ANTXRL: variants seen among roughly 807,000 people sequenced by gnomAD.
The protein encoded by ANTXRL is ANTXR like.
ANTXRL carries 63 observed loss-of-function variants against 75.4 expected under a neutral mutation model. The observed-to-expected ratio is 0.84, with a 90% confidence interval of 0.68 to 1.03. The LOEUF is 1.03. Ranked by LOEUF, ANTXRL falls within the 50% of genes least tolerant of loss-of-function variation. The pLI, the probability that ANTXRL is intolerant of heterozygous loss-of-function variation, is 0.00. For synonymous variants in ANTXRL, 335 were observed against 291.3 expected (o/e 1.15, Z -1.53); for missense variants, 797 against 789.4 (o/e 1.01, Z -0.12).
intron 1 of ANTXRL, among the ~76,000 whole-genome samples, chr10:46,288,518 A>G (rs1462881712): frequency 1.3e-5 from 2 of 152,030 alleles, no homozygotes; most frequent in African/African-American, 2.4e-5. Flanking sequence ...CAGCCCACCA[A>G]TTCCCATGGT....
At chr10:46,312,356 G>A (rs1202707858) in intron 15 of ANTXRL, among the ~76,000 whole-genome samples, 1 of 147,448 alleles carries the variant, frequency 6.8e-6, no homozygotes, top group Non-Finnish European at 1.5e-5. Context: ...TCACGGGCGG[G>A]TCCAGGGCCC....
intron 11 of ANTXRL, 92 bp downstream of exon 11, chr10:46,306,964 C>A: frequency 9.3e-7 from 1 of 1,079,180 alleles, no homozygotes; most frequent in Non-Finnish European, 1.3e-6. Context: ...GCCCCCCACC[C>A]CCTGCTGGGA....
In ANTXRL at chr10:46,306,878, T is replaced by A; in HGVS notation, c.965+6T>A. On this transcript the variant is annotated splice_donor_region_variant and intron_variant, in intron 11 of 16. Transcript: ENST00000620264. ...AAACTAGAAAAACCTGGAGAGTAAG[T>A]GCCCCTGGCAGGAGGCTAGAGGGCA... 1 of 1,526,624 alleles carries A rather than the reference T, an allele frequency of 6.6e-7. No individual in the cohort carries two copies. The highest frequency in any genetic ancestry group is 8.8e-7 in the Non-Finnish European group (1 of 1,142,436). The allele number at this position is 1,526,624 out of a possible 1,614,324, so 94.6% of individuals were successfully genotyped here.
chr10:46,311,401 G>A, intron 14 of ANTXRL, 109 bp from the exon 15 acceptor site: 1 of 1,393,256 alleles, frequency 7.2e-7, no homozygotes, highest in Middle Eastern at 1.9e-4. Context: ...ACCCTCCACT[G>A]TGGTGTGGGT....
intron 16 of ANTXRL, 72 bp downstream of exon 16, chr10:46,313,388 G>A (rs1220955646): frequency 1.9e-5 from 27 of 1,447,038 alleles, no homozygotes; most frequent in Middle Eastern, 3.4e-4. Context: ...TGTCCTCTGG[G>A]ATTGGGGCTC....
intron 7 of ANTXRL, among the ~76,000 whole-genome samples, 168 bp from the exon 8 acceptor site, chr10:46,297,663 G>A (rs1199665474): frequency 6.6e-6 from 1 of 152,124 alleles, no homozygotes; most frequent in African/African-American, 2.4e-5. Context: ...GGGTGGAAGA[G>A]CTCCCCGCTC....
Position 46,297,498 on chromosome 10 carries a change from C to A in ANTXRL, c.654+24C>A, listed in dbSNP as rs541479431. On this transcript the variant is annotated intron_variant, in intron 7 of 16. Coordinates refer to ENST00000620264, the MANE Select transcript of ANTXRL (RefSeq NM_001278688.3). The stretch of plus-strand genomic sequence containing the variant: ...AGGTAATTCCAAGCAGGTAACCAGG[C>A]GCCACTTTCAAGCCTAGTGGTCACT... 14 of 1,533,756 alleles carry A rather than the reference C, an allele frequency of 9.1e-6. 1 individual carries two copies. The South Asian group carries it at 9.5e-5, about 10-fold the overall frequency.
chr10:46,302,898 C>G, intron 10 of ANTXRL, 78 bp downstream of exon 10: 1 of 1,141,688 alleles, frequency 8.8e-7, no homozygotes, highest in Non-Finnish European at 1.3e-6. Context: ...GCCAAGCCTC[C>G]CAGCCCTTGC....
At chr10:46,286,983 A>G (rs1836790845), upstream of ANTXRL, 1 of 509,720 alleles carries the variant, frequency 2.0e-6, no homozygotes, top group Admixed American at 3.6e-5. Flanking sequence ...CACCATGTCA[A>G]CCTTCCTGTC....
chr10:46,298,124 G>A, intron 9 of ANTXRL, 62 bp downstream of exon 9: 6 of 1,163,598 alleles, frequency 5.2e-6, no homozygotes, highest in Non-Finnish European at 7.4e-6. Context: ...ATGCGTGTAT[G>A]GAGTGTGTGC....
chr10:46,320,202 C>T (rs929529096), intron 16 of ANTXRL, among the ~76,000 whole-genome samples: 8 of 152,170 alleles, frequency 5.3e-5, no homozygotes, highest in Non-Finnish European at 1.2e-4. Flanking sequence ...CTAGTTTCTA[C>T]TGAGTAAAGA....
Position 46,292,103 on chromosome 10 carries a change from G to A in ANTXRL, c.294G>A (p.Val98=). 6.5e-7 allele frequency: 1 copy of A among 1,536,320 alleles called. No individual in the cohort carries two copies. Among genetic ancestry groups the A allele is most frequent in the African/African-American group, 1.4e-5 (1 of 73,134 alleles). Residue 98 remains valine, a synonymous_variant, in exon 2 of 17, where the codon GTG becomes GTA. Coordinates refer to ENST00000620264, the MANE Select transcript of ANTXRL (RefSeq NM_001278688.3). ...NNNWIDLYMW[V]EETVARFQSP... Reference sequence around the variant, plus strand: ...ACTGGATTGACCTTTATATGTGGGTGGAGGAAACAGTGGCGAGGTTCCAAA... The same window carrying A: ...ACTGGATTGACCTTTATATGTGGGTAGAGGAAACAGTGGCGAGGTTCCAAA...
Position 46,305,217 on chromosome 10 carries a change from G to A in ANTXRL, c.896-1586G>A, listed in dbSNP as rs1588831930. ...CGGCTGATGCCAGCCTGGAGGTGCA[G>A]TTCAGGGATCTCTGTCCTGCATCAG... is the stretch of plus-strand genomic sequence containing the variant. On this transcript the variant is annotated intron_variant, in intron 10 of 16. Coordinates refer to ENST00000620264, the MANE Select transcript of ANTXRL (RefSeq NM_001278688.3). Among the ~76,000 whole-genome samples, 2 of 152,132 alleles carry A rather than the reference G, an allele frequency of 1.3e-5. 1 individual carries two copies. The highest frequency in any genetic ancestry group is 3.9e-4 in the East Asian group (2 of 5,192).
chr10:46,310,622 G>A, intron 14 of ANTXRL, 123 bp downstream of exon 14: 1 of 1,057,860 alleles, frequency 9.5e-7, no homozygotes, highest in South Asian at 1.4e-5. Flanking sequence ...TTGACAGAGG[G>A]GCAGAATGGA....
chr10:46,312,950 A>G lies in ANTXRL; in HGVS notation c.1330-286A>G, dbSNP rs562561156. Among the ~76,000 whole-genome samples, 52 of 152,300 alleles carry G rather than the reference A, an allele frequency of 3.4e-4. 1 individual carries two copies. The highest frequency in any genetic ancestry group is 2.9e-3 in the South Asian group (14 of 4,826). On this transcript the variant is annotated intron_variant, in intron 15 of 16. Transcript: ENST00000620264. ...ATGCTCCCCTTCAGGACCTCTGCTC[A>G]GAACCACAGGCTCCTCCTGTCTTTG...
chr10:46,329,509 G>A (rs572688994), intron 16 of ANTXRL, 90 bp from the exon 17 acceptor site: 2 of 1,475,628 alleles, frequency 1.4e-6, no homozygotes, highest in South Asian at 1.3e-5. Context: ...ATGGGTCCTG[G>A]CCCCATCCCT....
chr10:46,299,760 T>C (rs1481048325), intron 9 of ANTXRL, among the ~76,000 whole-genome samples: 1 of 152,160 alleles, frequency 6.6e-6, no homozygotes, highest in Non-Finnish European at 1.5e-5. Context: ...GAAAAGACGC[T>C]GTCAGGCCTC....
At chr10:46,298,788 G>A (rs370651336) in intron 9 of ANTXRL, among the ~76,000 whole-genome samples, 1 of 151,540 alleles carries the variant, frequency 6.6e-6, no homozygotes, top group Non-Finnish European at 1.5e-5. Flanking sequence ...TGTGTGGTGT[G>A]TGGGTGTGTG....
intron 1 of ANTXRL, among the ~76,000 whole-genome samples, chr10:46,291,382 T>C (rs1303889382): frequency 1.8e-5 from 2 of 110,296 alleles, no homozygotes. Flanking sequence ...ATCTTGTTCT[T>C]CTTTTTCAGA....
Sources: allele counts gnomAD v4.1 joint callset (sites outside exome capture counted in the v4.1 genomes callset), GRCh38; gene constraint gnomAD v4.1.1; transcripts MANE v1.5; gene names NCBI Gene and HGNC (gene_info 2026-07-23, HGNC 2026-07-21).